Variants in WDR70 observed in about 807,000 individuals in gnomAD.
WDR70 encodes the protein WD repeat-containing protein 70.
In WDR70, 53 loss-of-function variants were observed where a neutral mutation model predicts 88.6. The observed-to-expected ratio is 0.60, with a 90% CI of 0.48 to 0.75. The LOEUF (loss-of-function observed/expected upper bound fraction) is 0.75. Ranked by LOEUF, WDR70 falls within the 30% of genes least tolerant of loss-of-function variation. The pLI is 0.00. For missense variants in WDR70, 610 were observed against 823.2 expected, an observed-to-expected ratio of 0.74 and a Z score of 3.17; for synonymous variants, 280 against 270.0, an observed-to-expected ratio of 1.04 and a Z score of -0.36.
chr5:37,624,906 C>T (rs1052311263), intron 10 of WDR70, among the ~76,000 whole-genome samples: 1 of 152,174 alleles, frequency 6.6e-6, no homozygotes, highest in African/African-American at 2.4e-5. Flanking sequence ...CTGTTATAAC[C>T]TACAGACAAA....
At chr5:37,390,866 G>C (rs953970716) in intron 3 of WDR70, among the ~76,000 whole-genome samples, 1 of 151,926 alleles carries the variant, frequency 6.6e-6, no homozygotes, top group Non-Finnish European at 1.5e-5. Flanking sequence ...AAAGGCATGC[G>C]CTACCACGCC....
intron 3 of WDR70, among the ~76,000 whole-genome samples, chr5:37,388,797 G>A (rs1748713698): frequency 6.6e-6 from 1 of 150,442 alleles, no homozygotes. Flanking sequence ...GCATGGTGTG[G>A]TGGCTCACAT....
At chr5:37,694,642 A>G (rs752069546) in intron 10 of WDR70, among the ~76,000 whole-genome samples, 1 of 152,042 alleles carries the variant, frequency 6.6e-6, no homozygotes, top group Non-Finnish European at 1.5e-5. Context: ...TGGGAATCGA[A>G]CAATGAGAAC....
chr5:37,404,706 T>A (rs933842142), intron 5 of WDR70, among the ~76,000 whole-genome samples: 18 of 152,334 alleles, frequency 1.2e-4, no homozygotes, highest in South Asian at 2.1e-4. Flanking sequence ...AGTTTTTTTT[T>A]AATCAAATTT....
intron 10 of WDR70, among the ~76,000 whole-genome samples, chr5:37,680,730 G>A (rs1011226053): frequency 6.6e-6 from 1 of 152,032 alleles, no homozygotes; most frequent in Non-Finnish European, 1.5e-5. Context: ...CTTATTTCTA[G>A]GTTCTCTATT....
intron 10 of WDR70, chr5:37,687,851 G>T: frequency 1.6e-6 from 1 of 615,362 alleles, no homozygotes; most frequent in Non-Finnish European, 3.0e-6. Flanking sequence ...AAAAGCACAG[G>T]GAAGGAAGAC....
chr5:37,381,819 C>G (rs1242438877), intron 3 of WDR70, 134 bp downstream of exon 3: 2 of 737,180 alleles, frequency 2.7e-6, no homozygotes, highest in Non-Finnish European at 4.2e-6. Context: ...TTAGGGAGGC[C>G]AAGGCGGGCA....
At chr5:37,485,068 T>C (rs891893100) in intron 8 of WDR70, among the ~76,000 whole-genome samples, 1 of 152,220 alleles carries the variant, frequency 6.6e-6, no homozygotes, top group Admixed American at 6.5e-5. Context: ...AACAATAATG[T>C]CGTCTGCCAC....
At chr5:37,687,477 G>T (rs1276319427) in intron 10 of WDR70, among the ~76,000 whole-genome samples, 1 of 152,180 alleles carries the variant, frequency 6.6e-6, no homozygotes, top group African/African-American at 2.4e-5. Context: ...AGGTCAGAAA[G>T]ACTGGATGGG....
intron 7 of WDR70, among the ~76,000 whole-genome samples, chr5:37,450,851 GTGTC>G (rs1242356619): frequency 6.6e-6 from 1 of 152,086 alleles, no homozygotes; most frequent in Non-Finnish European, 1.5e-5. Context: ...GTGTGTGTGT[GTGTC>G]TGTGTCTATG....
chr5:37,433,072 TTTG>T (rs1030638180), intron 5 of WDR70, among the ~76,000 whole-genome samples: 10 of 152,168 alleles, frequency 6.6e-5, no homozygotes, highest in Non-Finnish European at 1.3e-4. Context: ...CAGATTTTTT[TTTG>T]TTGTTGTTGA....
intron 17 of WDR70, among the ~76,000 whole-genome samples, chr5:37,742,639 C>G (rs1295688468): frequency 6.6e-6 from 1 of 152,066 alleles, no homozygotes; most frequent in Non-Finnish European, 1.5e-5. Context: ...GGAATCATAT[C>G]CAAGAAATCA....
At chr5:37,394,143 A>G (rs574398447) in intron 4 of WDR70, among the ~76,000 whole-genome samples, 1 of 152,206 alleles carries the variant, frequency 6.6e-6, no homozygotes, top group South Asian at 2.1e-4. Context: ...TGTCTGTACT[A>G]AAAATACAAA....
At chr5:37,697,950 G>T in intron 11 of WDR70, 196 bp downstream of exon 11, 1 of 475,206 alleles carries the variant, frequency 2.1e-6, no homozygotes, top group East Asian at 3.5e-5. Context: ...CAAGTAAAAT[G>T]TTTAAATATT....
At chr5:37,579,037 A>C (rs960860762) in intron 9 of WDR70, among the ~76,000 whole-genome samples, 4 of 152,232 alleles carry the variant, frequency 2.6e-5, no homozygotes, top group African/African-American at 9.6e-5. Context: ...AAGGCACACA[A>C]TTAAGAGAAA....
intron 9 of WDR70, among the ~76,000 whole-genome samples, chr5:37,563,898 CG>C (rs1742642796): frequency 7.6e-6 from 1 of 132,108 alleles, no homozygotes; most frequent in African/African-American, 2.7e-5. Flanking sequence ...ACGGGGCGGC[CG>C]GGCAGAGACG....
chr5:37,396,638 T>C (rs2111903478), intron 5 of WDR70, 68 bp downstream of exon 5: 2 of 1,461,348 alleles, frequency 1.4e-6, no homozygotes, highest in Middle Eastern at 2.3e-4. Flanking sequence ...TCAGTTCTGC[T>C]AAACTGTTTT....
chr5:37,692,419 G>C (rs1746826719), intron 10 of WDR70, among the ~76,000 whole-genome samples: 1 of 151,998 alleles, frequency 6.6e-6, no homozygotes, highest in Non-Finnish European at 1.5e-5. Context: ...AACAAAAAAA[G>C]AATTTTAGAC....
At chr5:37,674,582 A>G (rs1250385519) in intron 10 of WDR70, among the ~76,000 whole-genome samples, 3 of 152,138 alleles carry the variant, frequency 2.0e-5, no homozygotes, top group African/African-American at 4.8e-5. Context: ...TTATGGCTGC[A>G]TAGTATTCCA....
Sources: gnomAD v4.1 joint callset for allele counts (sites outside exome capture counted in the v4.1 genomes callset) on GRCh38, gnomAD v4.1.1 for gene constraint, MANE v1.5 for transcripts, NCBI Gene and HGNC (gene_info 2026-07-23, HGNC 2026-07-21) for gene names.